The following TAFA5 variants were observed in gnomAD, a reference collection of about 807,000 sequenced individuals.
TAFA5 encodes TAFA chemokine like family member 5, also known as chemokine-like protein TAFA-5.
In TAFA5, 6 loss-of-function variants were observed where a neutral mutation model predicts 15.3. That is an observed-to-expected ratio of 0.39 (90% CI 0.21 to 0.77). The LOEUF (loss-of-function observed/expected upper bound fraction) is 0.77, where lower values mean the gene tolerates loss of function less well. Among genes scored for constraint, TAFA5 ranks in the 30% least tolerant of loss-of-function variants. TAFA5 has a pLI of 0.41. For synonymous variants in TAFA5, 103 were observed against 80.7 expected, an observed-to-expected ratio of 1.28 and a Z score of -1.48; for missense variants, 161 against 193.1, an observed-to-expected ratio of 0.83 and a Z score of 0.98.
At chr22:48,659,539 A>C (rs1455647707) in intron 2 of TAFA5, among the ~76,000 whole-genome samples, 2 of 152,246 alleles carry the variant, frequency 1.3e-5, no homozygotes, top group African/African-American at 4.8e-5. Flanking sequence ...GGAGGCTCCA[A>C]GTCAGGGAGC....
At chr22:48,745,021 G>T (rs1201288295) in intron 3 of TAFA5, among the ~76,000 whole-genome samples, 1 of 152,222 alleles carries the variant, frequency 6.6e-6, no homozygotes, top group East Asian at 1.9e-4. Flanking sequence ...CTCCCAAAGT[G>T]CTGGGATTAC....
chr22:48,640,485 G>A (rs1220006067), intron 1 of TAFA5, among the ~76,000 whole-genome samples: 1 of 152,178 alleles, frequency 6.6e-6, no homozygotes, highest in Non-Finnish European at 1.5e-5. Flanking sequence ...GCTTCTAAGG[G>A]GGGGCTTCCC....
intron 1 of TAFA5, among the ~76,000 whole-genome samples, chr22:48,616,830 G>T (rs545256407): frequency 6.6e-6 from 1 of 152,338 alleles, no homozygotes; most frequent in South Asian, 2.1e-4. Flanking sequence ...CCAGCTGCTT[G>T]CAGGTCCGTG....
chr22:48,680,119 G>C (rs1055836609), intron 2 of TAFA5, among the ~76,000 whole-genome samples: 8 of 152,212 alleles, frequency 5.3e-5, no homozygotes, highest in Non-Finnish European at 8.8e-5. Context: ...GGGTGGCCAT[G>C]GTCCCCCCAC....
chr22:48,535,783 G>A (rs562167917), intron 1 of TAFA5, among the ~76,000 whole-genome samples: 1 of 151,044 alleles, frequency 6.6e-6, no homozygotes, highest in South Asian at 2.1e-4. Flanking sequence ...ACTCATGCGT[G>A]TGTGCACACA....
At position 48,495,795 on chromosome 22, in the gene TAFA5, CCCT is replaced by C. The variant is rs1370157363; in HGVS notation, c.112+6097_112+6099del. 5.9e-5 allele frequency among the ~76,000 whole-genome samples: 9 copies of C among 152,314 alleles called. No individual in the cohort carries two copies. In the South Asian group the frequency reaches 1.9e-3, roughly 32 times the overall value. On this transcript the variant is annotated intron_variant, in intron 1 of 3. Transcript: ENST00000402357. ...CTTGGAAGAACCTGGCTGCCTTCGA[CCCT>C]CCTCCCCGGCTCTCACCCTCTCCCC...
intron 1 of TAFA5, among the ~76,000 whole-genome samples, chr22:48,609,694 C>A (rs1243621462): frequency 6.6e-6 from 1 of 152,226 alleles, no homozygotes; most frequent in Non-Finnish European, 1.5e-5. Flanking sequence ...ACAGGCCAGG[C>A]AGCCTCTACA....
chr22:48,549,369 C>T lies in TAFA5; in HGVS notation c.112+59665C>T, dbSNP rs564557006. On this transcript the variant is annotated intron_variant, in intron 1 of 3. Transcript: ENST00000402357. ...CAGGGACATGGAATCCATTCGCCAC[C>T]AGGCAGCTGGTGGTCAGCACTGAGC... 5.3e-5 allele frequency among the ~76,000 whole-genome samples: 8 copies of T among 152,370 alleles called. No homozygotes were observed. The East Asian group carries it at 1.2e-3, about 22-fold the overall frequency.
chr22:48,634,780 G>T (rs199530736), intron 1 of TAFA5, among the ~76,000 whole-genome samples: 1 of 135,418 alleles, frequency 7.4e-6, no homozygotes, highest in African/African-American at 2.8e-5. Flanking sequence ...CACTCATTTA[G>T]TCACTCACTC....
chr22:48,682,628 A>C (rs73175152), intron 2 of TAFA5, among the ~76,000 whole-genome samples: 1 of 152,134 alleles, frequency 6.6e-6, no homozygotes, highest in Non-Finnish European at 1.5e-5. Context: ...TGTATTGACA[A>C]AACCCTGACA....
At chr22:48,650,910 C>T (rs1379810622) in intron 2 of TAFA5, among the ~76,000 whole-genome samples, 1 of 152,176 alleles carries the variant, frequency 6.6e-6, no homozygotes, top group Non-Finnish European at 1.5e-5. Context: ...TGCAGACGCG[C>T]CAGGTTCCCT....
At chr22:48,498,239 G>T (rs1394521477) in intron 1 of TAFA5, among the ~76,000 whole-genome samples, 1 of 75,614 alleles carries the variant, frequency 1.3e-5, no homozygotes, top group African/African-American at 5.5e-5. Flanking sequence ...GCAGGGCTGG[G>T]GGCCTGAAGG....
rs942134032 is a variant in TAFA5 at position 48,490,973 on chromosome 22, G to A, written c.112+1269G>A. 6.6e-6 allele frequency among the ~76,000 whole-genome samples: 1 copy of A among 152,120 alleles called. No individual in the cohort carries two copies. Among genetic ancestry groups the A allele is most frequent in the African/African-American group, 2.4e-5 (1 of 41,428 alleles). On this transcript the variant is annotated intron_variant, in intron 1 of 3. Coordinates refer to ENST00000402357, the MANE Select transcript of TAFA5 (RefSeq NM_001082967.3). This position sits in a 1 kb window ranked among gnomAD's most constrained non-coding sequence, Gnocchi z 5.8. ...TGGGACAGCCCAGCTCGCCAGGATC[G>A]CAAGGGAAACCCGGGGACCAGAGCA...
chr22:48,491,645 G>A (rs543153847), intron 1 of TAFA5, among the ~76,000 whole-genome samples: 2 of 152,356 alleles, frequency 1.3e-5, no homozygotes, highest in Admixed American at 6.5e-5. Context: ...CTCAAGACAC[G>A]CAGCGTCAGC....
chr22:48,736,900 G>T (rs1393115472), intron 3 of TAFA5, among the ~76,000 whole-genome samples: 1 of 151,608 alleles, frequency 6.6e-6, no homozygotes, highest in Non-Finnish European at 1.5e-5. Context: ...CCTAAAGTTG[G>T]CTGTGGTGAT....
intron 1 of TAFA5, among the ~76,000 whole-genome samples, chr22:48,578,664 C>T (rs539791753): frequency 6.3e-4 from 96 of 152,310 alleles, no homozygotes; most frequent in Non-Finnish European, 1.1e-3. Flanking sequence ...GTTTGCGCAG[C>T]CCTCCAGGAC....
At chr22:48,630,519 C>T (rs1257395419) in intron 1 of TAFA5, among the ~76,000 whole-genome samples, 2 of 152,170 alleles carry the variant, frequency 1.3e-5, no homozygotes, top group African/African-American at 4.8e-5. Context: ...CCACAACTTT[C>T]CAGCCTCGCT....
Position 48,575,020 on chromosome 22 carries a change from TTG to T in TAFA5, c.113-71569_113-71568del, listed in dbSNP as rs201855877. 7.8e-3 allele frequency among the ~76,000 whole-genome samples: 1,193 copies of T among 152,056 alleles called. 9 individuals are homozygous for T. The highest frequency in any genetic ancestry group is 0.029 in the East Asian group (148 of 5,116). ...ACAGTAGGGGCAGGTGTGAGTGTGT[TTG>T]TGTGTGTTTCCAGGCAGATGTGCCG... On this transcript the variant is annotated intron_variant, in intron 1 of 3. Transcript: ENST00000402357.
At chr22:48,593,426 C>T (rs1309364568) in intron 1 of TAFA5, among the ~76,000 whole-genome samples, 1 of 151,926 alleles carries the variant, frequency 6.6e-6, no homozygotes, top group Non-Finnish European at 1.5e-5. Context: ...GGCAGGGAGA[C>T]TGCTGTGGGC....
Sources: allele counts gnomAD v4.1 joint callset (sites outside exome capture counted in the v4.1 genomes callset), GRCh38; gene constraint gnomAD v4.1.1; non-coding constraint Gnocchi (gnomAD v3.1); transcripts MANE v1.5; gene names NCBI Gene and HGNC (gene_info 2026-07-23, HGNC 2026-07-21).